The following SLC2A9 variants were observed in gnomAD, a reference collection of about 807,000 sequenced individuals.
SLC2A9 encodes solute carrier family 2, facilitated glucose transporter member 9.
SLC2A9 carries 39 observed loss-of-function variants against 50.6 expected under a neutral mutation model. The ratio of observed to expected loss-of-function variants is 0.77; its 90% CI spans 0.60 to 1.01. The LOEUF (loss-of-function observed/expected upper bound fraction) is 1.01, where lower values mean the gene tolerates loss of function less well. Among genes scored for constraint, SLC2A9 ranks in the 50% least tolerant of loss-of-function variants. The pLI, the probability that SLC2A9 is intolerant of heterozygous loss-of-function variation, is 0.00. For missense variants in SLC2A9, 686 were observed against 677.6 expected, an observed-to-expected ratio of 1.01 and a Z score of -0.14; for synonymous variants, 324 against 276.9, an observed-to-expected ratio of 1.17 and a Z score of -1.69.
At chr4:9,894,611 TG>T (rs1481115898) in intron 8 of SLC2A9, among the ~76,000 whole-genome samples, 2 of 152,252 alleles carry the variant, frequency 1.3e-5, no homozygotes, top group Non-Finnish European at 2.9e-5. Flanking sequence ...ATACCCATAC[TG>T]GCAATTTTTC....
intron 3 of SLC2A9, chr4:9,781,894 C>A: frequency 1.3e-6 from 1 of 755,146 alleles, no homozygotes. Flanking sequence ...CGGCGCAGCT[C>A]ATGGTGAGCG....
At chr4:9,775,044 G>A (rs1717370382), downstream of SLC2A9, among the ~76,000 whole-genome samples, 2 of 152,154 alleles carry the variant, frequency 1.3e-5, no homozygotes, top group Admixed American at 6.5e-5. Context: ...TGAGGCCAGA[G>A]AATTCAGCAT....
intron 10 of SLC2A9, among the ~76,000 whole-genome samples, chr4:9,885,059 C>T (rs1735931550): frequency 6.6e-6 from 1 of 152,116 alleles, no homozygotes; most frequent in Non-Finnish European, 1.5e-5. Context: ...GGAAAAATAG[C>T]TAATGCAGGC....
chr4:9,994,451 C>G (rs1440935238), intron 3 of SLC2A9, among the ~76,000 whole-genome samples: 1 of 152,138 alleles, frequency 6.6e-6, no homozygotes, highest in Non-Finnish European at 1.5e-5. Flanking sequence ...GGCATAACAA[C>G]CAACACATCC....
intron 10 of SLC2A9, among the ~76,000 whole-genome samples, chr4:9,853,167 C>G (rs764052528): frequency 3.5e-4 from 49 of 139,826 alleles, no homozygotes; most frequent in Middle Eastern, 3.8e-3. Context: ...CAGAGTGAAA[C>G]TCCCTCTCAA....
At chr4:9,876,060 G>T (rs1031856897) in intron 10 of SLC2A9, among the ~76,000 whole-genome samples, 1 of 152,204 alleles carries the variant, frequency 6.6e-6, no homozygotes, top group African/African-American at 2.4e-5. Context: ...GGTGAGAACT[G>T]GTTCTTGGGA....
intron 6 of SLC2A9, among the ~76,000 whole-genome samples, chr4:9,922,104 T>C (rs1229380774): frequency 1.3e-5 from 2 of 152,240 alleles, no homozygotes; most frequent in Non-Finnish European, 2.9e-5. Context: ...GGATTCATAG[T>C]ATTCCATGGT....
chr4:9,874,747 G>C (rs866152427), intron 10 of SLC2A9, among the ~76,000 whole-genome samples: 1 of 152,226 alleles, frequency 6.6e-6, no homozygotes, highest in Non-Finnish European at 1.5e-5. Context: ...GTTCTCACAG[G>C]TTAGTGTCTA....
intron 2 of SLC2A9, among the ~76,000 whole-genome samples, chr4:10,007,310 G>T (rs1003644235): frequency 4.6e-5 from 7 of 152,192 alleles, no homozygotes; most frequent in Non-Finnish European, 8.8e-5. Flanking sequence ...TCTCCCAGAG[G>T]AGCCTGGCTG....
chr4:9,829,738 T>C (rs1296506044), intron 11 of SLC2A9, among the ~76,000 whole-genome samples: 3 of 151,962 alleles, frequency 2.0e-5, no homozygotes, highest in Non-Finnish European at 4.4e-5. Flanking sequence ...AAGACATTCA[T>C]ATGGCCAAAA....
chr4:10,025,213 G>A (rs1461784339), upstream of SLC2A9, among the ~76,000 whole-genome samples: 3 of 152,170 alleles, frequency 2.0e-5, no homozygotes, highest in African/African-American at 7.2e-5. Flanking sequence ...CATCACAGGA[G>A]GTGAGGCACA....
At chr4:9,985,898 G>A (rs1054817991) in intron 3 of SLC2A9, 105 bp from the exon 4 acceptor site, 3 of 1,514,652 alleles carry the variant, frequency 2.0e-6, no homozygotes, top group South Asian at 2.3e-5. Flanking sequence ...GGTGAGTAGA[G>A]CAAGACTCAG....
At chr4:9,881,620 G>A (rs182073276) in intron 10 of SLC2A9, among the ~76,000 whole-genome samples, 1 of 152,272 alleles carries the variant, frequency 6.6e-6, no homozygotes, top group Admixed American at 6.5e-5. Flanking sequence ...CTTTTAAAAT[G>A]CAAAAGCCAT....
chr4:9,869,075 A>C (rs376081600), intron 10 of SLC2A9, among the ~76,000 whole-genome samples: 1 of 152,342 alleles, frequency 6.6e-6, no homozygotes, highest in African/African-American at 2.4e-5. Context: ...TGGTCAACTA[A>C]ATTCTATGTA....
At chr4:9,778,782 A>G (rs1185821398), downstream of SLC2A9, among the ~76,000 whole-genome samples, 1 of 152,026 alleles carries the variant, frequency 6.6e-6, no homozygotes, top group Non-Finnish European at 1.5e-5. Context: ...TCATGCATTA[A>G]TTGTTTTGGT....
At chr4:9,800,094 G>A (rs1721187941) in intron 3 of SLC2A9, among the ~76,000 whole-genome samples, 1 of 151,990 alleles carries the variant, frequency 6.6e-6, no homozygotes, top group African/African-American at 2.4e-5. Flanking sequence ...AAATAGAGAG[G>A]GTCCAGGACT....
intron 3 of SLC2A9, among the ~76,000 whole-genome samples, chr4:9,820,703 T>C (rs1281565419): frequency 1.3e-5 from 2 of 152,248 alleles, no homozygotes; most frequent in African/African-American, 2.4e-5. Flanking sequence ...TTGGGAACTA[T>C]TATGAAGAGC....
intron 10 of SLC2A9, among the ~76,000 whole-genome samples, chr4:9,844,193 C>T (rs1169598967): frequency 2.1e-5 from 3 of 144,794 alleles, no homozygotes; most frequent in Admixed American, 6.9e-5. Flanking sequence ...CCTTCTGACT[C>T]CTTTCTTTAC....
upstream of SLC2A9, among the ~76,000 whole-genome samples, chr4:10,022,698 C>T (rs3756232): frequency 9.2e-5 from 14 of 152,264 alleles, no homozygotes; most frequent in South Asian, 8.3e-4. Flanking sequence ...TAGCAAAGTA[C>T]GTTTAGTAAA....
Sources: allele counts gnomAD v4.1 joint callset (sites outside exome capture counted in the v4.1 genomes callset), GRCh38; gene constraint gnomAD v4.1.1; transcripts MANE v1.5; gene names NCBI Gene and HGNC (gene_info 2026-07-23, HGNC 2026-07-21).